Variants in ENO3 observed in about 807,000 individuals in gnomAD.
The protein encoded by ENO3 is beta-enolase.
A neutral mutation model predicts 47.7 loss-of-function variants in ENO3; 46 were observed. The observed-to-expected ratio is 0.96, with a 90% CI of 0.76 to 1.23. The LOEUF is 1.23. ENO3 is among the 50% of genes most tolerant of loss of function. The pLI, the probability that ENO3 is intolerant of heterozygous loss-of-function variation, is 0.00. For synonymous variants in ENO3, 223 were observed against 225.9 expected (o/e 0.99, Z 0.11); for missense variants, 575 against 566.2 (o/e 1.02, Z -0.16).
At chr17:4,951,102 C>G (rs1416156448), upstream of ENO3, 15 of 987,030 alleles carry the variant, frequency 1.5e-5, no homozygotes, top group African/African-American at 1.7e-5. Context: ...AATGCGCAGC[C>G]TGAGAGGGGG....
chr17:4,953,810 C>G lies in ENO3; in HGVS notation c.409C>G (p.Leu137Val). 1 of 1,614,220 alleles carries G rather than the reference C, an allele frequency of 6.2e-7. No individual in the cohort carries two copies. Among genetic ancestry groups the G allele is most frequent in the Non-Finnish European group, 8.5e-7 (1 of 1,180,040 alleles). The change falls in exon 6 of 12, where the codon CTC becomes GTC. Residue 137 changes from leucine to valine, a missense_variant. Physicochemically the swap from Leu to Val is conservative, Grantham distance 32. Coordinates refer to ENST00000519602, the MANE Select transcript of ENO3 (RefSeq NM_053013.4). ...CCCCCTGTACCGCCACATCGCAGAT[C>G]TCGCTGGGAACCCTGACCTCATACT... ...GVPLYRHIAD[L>V]AGNPDLILPV...
chr17:4,949,463 A>G (rs962317571), upstream of ENO3, among the ~76,000 whole-genome samples: 7 of 152,156 alleles, frequency 4.6e-5, no homozygotes, highest in Non-Finnish European at 1.0e-4. Context: ...GAGCGCGGAC[A>G]CCCGCGGGGC....
chr17:4,953,785 C>A lies in ENO3; in HGVS notation c.384C>A (p.Val128=). Residue 128 remains valine (V), a synonymous_variant, in exon 6 of 12, where the codon GTC becomes GTA. Transcript: ENST00000519602. ...VCKAGAAEKG[V]PLYRHIADLA... ...AGGCGGGAGCAGCTGAGAAGGGGGT[C>A]CCCCTGTACCGCCACATCGCAGATC... 6.2e-7 allele frequency: 1 copy of A among 1,614,190 alleles called. No individual in the cohort carries two copies. Among genetic ancestry groups the A allele is most frequent in the Non-Finnish European group, 8.5e-7 (1 of 1,180,026 alleles).
chr17:4,956,781 C>T, intron 10 of ENO3, 50 bp from the exon 11 acceptor site: 2 of 1,614,156 alleles, frequency 1.2e-6, no homozygotes, highest in South Asian at 1.1e-5. Flanking sequence ...CAGGTCCAAC[C>T]CCTCCTTTCC....
chr17:4,951,081 G>A (rs1971527423), upstream of ENO3: 1 of 986,368 alleles, frequency 1.0e-6, no homozygotes, highest in Non-Finnish European at 1.2e-6. Flanking sequence ...GGACCGAGTG[G>A]CTCAGGGATA....
rs573607445 is a variant in ENO3, at chr17:4,951,708, A to G, written c.-2-120A>G. The G allele has an allele frequency of 9.6e-4, 1,044 of 1,083,630 alleles. 3 individuals are homozygous for G. Among genetic ancestry groups the G allele is most frequent in the Non-Finnish European group, 1.3e-3 (921 of 704,950 alleles). The allele number at this position is 1,083,630 out of a possible 1,614,324, so 67.1% of individuals were successfully genotyped here. The stretch of plus-strand genomic sequence containing the variant: ...CCTCTTTGGTCTGTGACCTTTTTGT[A>G]GGGTATTTTTAGCTCCAGCACCTGC... On this transcript the variant is annotated intron_variant, in intron 1 of 11. Transcript: ENST00000519602.
rs756000719 is a variant in ENO3, at chr17:4,951,915, G to A, written c.85+1G>A. On this transcript the variant is annotated splice_donor_variant, in intron 2 of 11. Coordinates refer to ENST00000519602, the MANE Select transcript of ENO3 (RefSeq NM_053013.4). LOFTEE classifies it high-confidence loss of function. ...GAGGTGGACCTGCACACGGCCAAGG[G>A]TAACACAAGGCCCATTGGATAGGCT... 2 of 1,614,156 alleles carry A rather than the reference G, an allele frequency of 1.2e-6. No individual in the cohort carries two copies. The highest frequency in any genetic ancestry group is 2.2e-5 in the East Asian group (1 of 44,880).
upstream of ENO3, chr17:4,951,020 G>T (rs1159524165): frequency 5.1e-6 from 5 of 986,060 alleles, no homozygotes; most frequent in African/African-American, 7.0e-5. Flanking sequence ...TTGGCTGCCA[G>T]CCCAGTGTGA....
At chr17:4,950,488 C>T, upstream of ENO3, 1 of 891,318 alleles carries the variant, frequency 1.1e-6, no homozygotes, top group Non-Finnish European at 1.3e-6. Context: ...AGTGCTGTCC[C>T]AGCGTTATCA....
In ENO3 at chr17:4,951,840, A is replaced by G; in HGVS notation, c.11A>G (p.Gln4Arg). 6.2e-7 allele frequency: 1 copy of G among 1,614,204 alleles called. No individual in the cohort carries two copies. Among genetic ancestry groups the G allele is most frequent in the East Asian group, 2.2e-5 (1 of 44,890 alleles). The change falls in exon 2 of 12, where the codon CAG (glutamine) becomes CGG (arginine). Residue 4 changes from glutamine (Q) to arginine (R), a missense_variant. Gln to Arg is a conservative substitution (Grantham distance 43). Transcript: ENST00000519602. ...TCCTGTCCTGCAGCCATGGCCATGCAGAAAATCTTTGCCCGGGAAATCTTG... is the reference window on the plus strand; with the variant it reads ...TCCTGTCCTGCAGCCATGGCCATGCGGAAAATCTTTGCCCGGGAAATCTTG... MAM[Q>R]KIFAREILDS...
At chr17:4,953,635 C>T (rs1211672567) in intron 5 of ENO3, 77 bp from the exon 6 acceptor site, 2 of 1,611,454 alleles carry the variant, frequency 1.2e-6, no homozygotes, top group Non-Finnish European at 1.7e-6. Flanking sequence ...TGGTTTGGAG[C>T]TCTGGCGTCT....
At chr17:4,949,691 T>A (rs1406484806), upstream of ENO3, among the ~76,000 whole-genome samples, 1 of 151,994 alleles carries the variant, frequency 6.6e-6, no homozygotes, top group Admixed American at 6.5e-5. Flanking sequence ...CTGGGCGGCT[T>A]CCGGAGCCTG....
chr17:4,952,099 A>C, intron 2 of ENO3, 185 bp downstream of exon 2: 1 of 706,216 alleles, frequency 1.4e-6, no homozygotes, highest in South Asian at 1.5e-5. Flanking sequence ...CTCTCTCTGC[A>C]CTGCCTCCTG....
At chr17:4,951,968 C>A in intron 2 of ENO3, 54 bp downstream of exon 2, 1 of 1,587,548 alleles carries the variant, frequency 6.3e-7, no homozygotes, top group Non-Finnish European at 8.6e-7. Context: ...ACCCTTTGGC[C>A]TTTGCCCCCC....
chr17:4,954,815 A>G (rs922988426), intron 6 of ENO3, among the ~76,000 whole-genome samples: 1 of 151,590 alleles, frequency 6.6e-6, no homozygotes, highest in Non-Finnish European at 1.5e-5. Context: ...AGGGAGGCTA[A>G]GGCAGGAGAA....
Position 4,953,584 on chromosome 17 carries a change from G to A in ENO3, c.311-128G>A, listed in dbSNP as rs190110384. ...GGTGGGGGTTCCCAGGGCTACTCAG[G>A]CTGTTGGGGAGAGATCTGTTAACCA... On this transcript the variant is annotated intron_variant, in intron 5 of 11. Coordinates refer to ENST00000519602, the MANE Select transcript of ENO3 (RefSeq NM_053013.4). The A allele has an allele frequency of 1.2e-4, 188 of 1,564,264 alleles. 1 individual carries two copies. The Admixed American group carries it at 3.0e-3, about 25-fold the overall frequency.
At chr17:4,953,369 G>A (rs753997078) in intron 5 of ENO3, 28 bp downstream of exon 5, 3 of 1,614,134 alleles carry the variant, frequency 1.9e-6, no homozygotes, top group Non-Finnish European at 2.5e-6. Context: ...GGTGGGGAAG[G>A]GATGAGGTGT....
chr17:4,955,859 G>A (rs1326901822), intron 8 of ENO3, 83 bp from the exon 9 acceptor site: 1 of 386,260 alleles, frequency 2.6e-6, no homozygotes, highest in African/African-American at 2.2e-5. Context: ...CCCTGTCTCT[G>A]CCCTGTCTCT....
At chr17:4,954,338 G>T in intron 6 of ENO3, 1 of 183,842 alleles carries the variant, frequency 5.4e-6, no homozygotes. Context: ...TCCTGGCTCT[G>T]CCTGTTATTA....
Sources: gnomAD v4.1 joint callset for allele counts (sites outside exome capture counted in the v4.1 genomes callset) on GRCh38, gnomAD v4.1.1 for gene constraint, MANE v1.5 for transcripts, NCBI Gene and HGNC (gene_info 2026-07-23, HGNC 2026-07-21) for gene names.